LIMCH1: variants seen among roughly 807,000 people sequenced by gnomAD.
LIMCH1 encodes LIM and calponin homology domains-containing protein 1.
Under a neutral mutation model 176.5 loss-of-function variants are expected in LIMCH1, and 113 were observed. The ratio of observed to expected loss-of-function variants is 0.64; its 90% CI spans 0.55 to 0.75. The LOEUF (loss-of-function observed/expected upper bound fraction) is 0.75, where lower values mean the gene tolerates loss of function less well. LIMCH1 is among the 30% of genes least tolerant of loss of function. The pLI is 0.00. For synonymous variants in LIMCH1, 619 were observed against 645.9 expected, an observed-to-expected ratio of 0.96 and a Z score of 0.63; for missense variants, 1,674 against 1,814.9, an observed-to-expected ratio of 0.92 and a Z score of 1.41.
intron 1 of LIMCH1, among the ~76,000 whole-genome samples, chr4:41,592,172 G>A (rs747061603): frequency 6.6e-6 from 1 of 152,198 alleles, no homozygotes; most frequent in Non-Finnish European, 1.5e-5. Flanking sequence ...AGTGCACCTG[G>A]CATCTCTGAA....
intron 1 of LIMCH1, among the ~76,000 whole-genome samples, chr4:41,361,389 A>T (rs1405059299): frequency 6.6e-6 from 1 of 151,908 alleles, no homozygotes; most frequent in African/African-American, 2.4e-5. Context: ...CCTACCCCGC[A>T]CCCTTCCGGA....
chr4:41,448,922 G>A (rs2063551277), intron 1 of LIMCH1, among the ~76,000 whole-genome samples: 1 of 151,718 alleles, frequency 6.6e-6, no homozygotes, highest in East Asian at 1.9e-4. Context: ...TTCTATTTCA[G>A]GCTTTAAAAA....
At chr4:41,494,710 T>C (rs2071757924) in intron 2 of LIMCH1, 2 of 786,364 alleles carry the variant, frequency 2.5e-6, no homozygotes, top group Non-Finnish European at 4.1e-6. Flanking sequence ...TTATTCACAG[T>C]TTGAATCTGA....
At chr4:41,646,101 T>C in intron 15 of LIMCH1, 22 bp from the exon 16 acceptor site, 1 of 1,592,582 alleles carries the variant, frequency 6.3e-7, no homozygotes, top group Non-Finnish European at 8.5e-7. Flanking sequence ...AGAAGAATAT[T>C]ATATCTTTCT....
Position 41,629,544 on chromosome 4 carries a change from G to A in LIMCH1, c.1081G>A (p.Ala361Thr). The A allele has an allele frequency of 6.5e-7, 1 of 1,536,044 alleles. No homozygotes were observed. Among genetic ancestry groups the A allele is most frequent in the Non-Finnish European group, 8.7e-7 (1 of 1,146,888 alleles). ...VKLIVTCNMR[A>T]QESEPVEGGL... The stretch of plus-strand genomic sequence containing the variant: ...GTTGATAGTGACCTGTAACATGAGG[G>A]CTCAGGAAAGTGAACCTGTGGAAGG... The change falls in exon 9 of 32, where the codon GCT becomes ACT. Residue 361 changes from alanine (A) to threonine (T), a missense_variant. Ala to Thr is a moderately conservative substitution (Grantham distance 58). Around this residue, in one of 3 missense-constraint regions of LIMCH1, gnomAD observed 655 missense variants for 692.2 expected, o/e 0.95. Transcript: ENST00000503057.
At chr4:41,366,217 G>A (rs2052954298) in intron 1 of LIMCH1, among the ~76,000 whole-genome samples, 1 of 152,280 alleles carries the variant, frequency 6.6e-6, no homozygotes, top group South Asian at 2.1e-4. Context: ...TATTTATTGG[G>A]TGCTTATTAT....
At chr4:41,502,897 CGG>C (rs1323431055) in intron 2 of LIMCH1, among the ~76,000 whole-genome samples, 5 of 143,438 alleles carry the variant, frequency 3.5e-5, no homozygotes, top group African/African-American at 1.4e-4. Flanking sequence ...TGAATAAGCA[CGG>C]AGGTAAATCA....
upstream of LIMCH1, among the ~76,000 whole-genome samples, chr4:41,537,079 A>T (rs1415764987): frequency 6.6e-6 from 1 of 152,228 alleles, no homozygotes; most frequent in Non-Finnish European, 1.5e-5. Context: ...AAGATAAAAG[A>T]GCATAATGCA....
intron 1 of LIMCH1, among the ~76,000 whole-genome samples, chr4:41,482,241 G>A (rs1324378383): frequency 6.6e-6 from 1 of 152,186 alleles, no homozygotes; most frequent in Non-Finnish European, 1.5e-5. Context: ...CCAGAGGTCA[G>A]TACTACATGT....
intron 1 of LIMCH1, among the ~76,000 whole-genome samples, chr4:41,403,908 G>T (rs910936670): frequency 1.7e-4 from 26 of 152,198 alleles, no homozygotes; most frequent in African/African-American, 5.8e-4. Flanking sequence ...AACATTAAAA[G>T]AGTATTATAA....
chr4:41,432,828 A>G (rs538041727), intron 1 of LIMCH1, among the ~76,000 whole-genome samples: 1 of 152,232 alleles, frequency 6.6e-6, no homozygotes, highest in Non-Finnish European at 1.5e-5. Context: ...TCAAGTTCCA[A>G]GTATAATTCT....
chr4:41,689,513 A>G lies in LIMCH1; in HGVS notation c.4167-14A>G, dbSNP rs767640575. 2 of 1,455,538 alleles carry G rather than the reference A, an allele frequency of 1.4e-6. No individual in the cohort carries two copies. The highest frequency in any genetic ancestry group is 2.3e-5 in the East Asian group (1 of 44,146). The allele number at this position is 1,455,538 out of a possible 1,614,324, so 90.2% of individuals were successfully genotyped here. A position where few individuals can be genotyped will look rare whatever the true frequency, so the allele number is the denominator to read the frequency against. ...AACTGAAGTTTTTATTCTTATGTAT[A>G]TTTTTAAACCTAGGTCTATAAGTGG... On this transcript the variant is annotated splice_polypyrimidine_tract_variant and intron_variant, in intron 29 of 31. Coordinates refer to ENST00000503057, the MANE Select transcript of LIMCH1 (RefSeq NM_001330672.2).
At chr4:41,547,863 GTATATATATATATATATATA>G (rs573342962) in intron 1 of LIMCH1, among the ~76,000 whole-genome samples, 5 of 93,220 alleles carry the variant, frequency 5.4e-5, no homozygotes, top group South Asian at 7.5e-4. Context: ...TTGTGTGTGT[GTATATATATATATATATATA>G]TATATATATA....
At chr4:41,579,367 A>G (rs2085024456) in intron 1 of LIMCH1, among the ~76,000 whole-genome samples, 1 of 152,198 alleles carries the variant, frequency 6.6e-6, no homozygotes, top group Non-Finnish European at 1.5e-5. Flanking sequence ...GAAAGGTCTT[A>G]AAAGTTAATT....
At position 41,485,385 on chromosome 4, in the gene LIMCH1, T is replaced by C. The variant is rs545033207; in HGVS notation, c.97-9151T>C. Among the ~76,000 whole-genome samples, 12 of 152,338 alleles carry C rather than the reference T, an allele frequency of 7.9e-5. No individual in the cohort carries two copies. The East Asian group carries it at 2.3e-3, about 29-fold the overall frequency. ...TTAAAATCATCAAGATTTTGGTGAA[T>C]TATCCATTCATGGATAGTGTTAATC... On this transcript the variant is annotated intron_variant, in intron 1 of 26. Transcript: ENST00000313860.
chr4:41,542,758 A>G (rs1191301728), intron 1 of LIMCH1, among the ~76,000 whole-genome samples: 2 of 152,202 alleles, frequency 1.3e-5, no homozygotes, highest in African/African-American at 2.4e-5. Context: ...ACCTGACCTC[A>G]GTATTTCCTG....
intron 18 of LIMCH1, among the ~76,000 whole-genome samples, chr4:41,661,184 G>C (rs893431909): frequency 2.6e-5 from 4 of 152,126 alleles, no homozygotes; most frequent in Admixed American, 1.3e-4. Context: ...TGGGATGTGC[G>C]TCCAAGGCAG....
intron 17 of LIMCH1, among the ~76,000 whole-genome samples, chr4:41,650,142 G>A (rs1458477978): frequency 6.6e-6 from 1 of 152,148 alleles, no homozygotes. Flanking sequence ...CCATAAATGA[G>A]GTGAACATGA....
intron 1 of LIMCH1, among the ~76,000 whole-genome samples, chr4:41,387,216 A>G (rs28622318): frequency 0.03 from 4,612 of 152,334 alleles, 248 homozygotes; most frequent in African/African-American, 0.1. Context: ...GATAACATAC[A>G]TGAGAACATA....
Sources: gnomAD v4.1 joint callset for allele counts (sites outside exome capture counted in the v4.1 genomes callset) on GRCh38, gnomAD v4.1.1 for gene constraint, gnomAD v4.1.1 regional missense constraint, MANE v1.5 for transcripts, NCBI Gene and HGNC (gene_info 2026-07-23, HGNC 2026-07-21) for gene names.